The following PBLD variants were observed in gnomAD, a reference collection of about 807,000 sequenced individuals.
The protein encoded by PBLD is phenazine biosynthesis like protein domain containing.
A neutral mutation model predicts 31.3 loss-of-function variants in PBLD; 26 were observed. That is an observed-to-expected ratio of 0.83 (90% CI 0.61 to 1.15). The LOEUF (loss-of-function observed/expected upper bound fraction) is 1.15. Ranked by LOEUF, PBLD falls within the 50% of genes most tolerant of loss-of-function variation. PBLD has a pLI of 0.00. For missense variants in PBLD, 307 were observed against 351.7 expected (o/e 0.87, Z 1.02); for synonymous variants, 114 against 129.0 (o/e 0.88, Z 0.79).
intron 6 of PBLD, among the ~76,000 whole-genome samples, chr10:68,291,066 CA>C (rs2134432712): frequency 6.6e-6 from 1 of 152,264 alleles, no homozygotes; most frequent in South Asian, 2.1e-4. Flanking sequence ...GTTAAAAATT[CA>C]CTGAGAAATA....
At chr10:68,308,995 G>A (rs568921127) in intron 1 of PBLD, among the ~76,000 whole-genome samples, 1 of 150,264 alleles carries the variant, frequency 6.7e-6, no homozygotes, top group East Asian at 2.1e-4. Flanking sequence ...CATTAAACCT[G>A]CCCATGGATG....
At chr10:68,310,955 T>C (rs1045441145) in intron 1 of PBLD, among the ~76,000 whole-genome samples, 1 of 152,186 alleles carries the variant, frequency 6.6e-6, no homozygotes, top group African/African-American at 2.4e-5. Context: ...ACCTTACACA[T>C]GCTCAGAACA....
At chr10:68,310,805 A>G (rs2044656553) in intron 1 of PBLD, among the ~76,000 whole-genome samples, 1 of 151,240 alleles carries the variant, frequency 6.6e-6, no homozygotes, top group Non-Finnish European at 1.5e-5. Context: ...GCTGAATAAT[A>G]TTCTATTGCA....
chr10:68,285,223 C>T (rs776536642), intron 9 of PBLD, 125 bp downstream of exon 9: 1 of 1,555,188 alleles, frequency 6.4e-7, no homozygotes, highest in Non-Finnish European at 8.7e-7. Flanking sequence ...AATTTTAAAA[C>T]CTTTCATTTT....
intron 1 of PBLD, among the ~76,000 whole-genome samples, chr10:68,314,010 C>T (rs2044703349): frequency 1.3e-5 from 2 of 151,484 alleles, no homozygotes; most frequent in African/African-American, 4.9e-5. Context: ...AAAGTCTCAC[C>T]CTCTCACCCA....
intron 6 of PBLD, among the ~76,000 whole-genome samples, chr10:68,289,666 C>CACACACACACAT (rs1330508712): frequency 0.021 from 3,099 of 150,250 alleles, 102 homozygotes; most frequent in African/African-American, 0.072. Context: ...CCAAAGATCA[C>CACACACACACAT]ACACACACAC....
chr10:68,314,516 T>G (rs1452022417), intron 1 of PBLD, among the ~76,000 whole-genome samples: 1 of 152,140 alleles, frequency 6.6e-6, no homozygotes, highest in African/African-American at 2.4e-5. Context: ...GTGGTTGAAG[T>G]CTCTTCAAAG....
intron 1 of PBLD, among the ~76,000 whole-genome samples, chr10:68,328,448 G>A (rs528433965): frequency 6.6e-6 from 1 of 152,214 alleles, no homozygotes; most frequent in South Asian, 2.1e-4. Flanking sequence ...TCCTGATGGT[G>A]TAATACATGA....
intron 1 of PBLD, chr10:68,331,555 T>C (rs553533015): frequency 4.6e-5 from 7 of 152,376 alleles, no homozygotes; most frequent in Admixed American, 4.6e-4. Context: ...GACGCTTTCA[T>C]CTTCGCGGCC....
At chr10:68,297,959 T>TAAA (rs59652364) in intron 2 of PBLD, among the ~76,000 whole-genome samples, 61,979 of 148,044 alleles carry the variant, frequency 0.42, 13,162 homozygotes, top group East Asian at 0.56. Context: ...AAGATTTAAA[T>TAAA]AAAAAAAAAA....
intron 1 of PBLD, chr10:68,332,149 A>G (rs1057366053): frequency 2.6e-5 from 4 of 152,268 alleles, no homozygotes; most frequent in Non-Finnish European, 5.9e-5. Flanking sequence ...ACACGAGGCA[A>G]ACGACTTCTC....
chr10:68,297,604 G>C (rs78267180), intron 2 of PBLD, among the ~76,000 whole-genome samples: 1 of 152,082 alleles, frequency 6.6e-6, no homozygotes, highest in Non-Finnish European at 1.5e-5. Context: ...TTGCTTTGCC[G>C]GGACCTGGAA....
intron 2 of PBLD, among the ~76,000 whole-genome samples, chr10:68,304,517 C>G (rs1183519898): frequency 6.6e-6 from 1 of 151,610 alleles, no homozygotes; most frequent in Non-Finnish European, 1.5e-5. Flanking sequence ...CCTAGTTTTT[C>G]CAAATATATA....
At chr10:68,299,106 CAAA>C (rs35915509) in intron 2 of PBLD, among the ~76,000 whole-genome samples, 2 of 78,984 alleles carry the variant, frequency 2.5e-5, no homozygotes, top group Non-Finnish European at 4.5e-5. Context: ...GAGTCCGTCT[CAAA>C]AAAAAAAAAA....
At chr10:68,288,425 T>C in intron 8 of PBLD, 58 bp downstream of exon 8, 3 of 1,563,762 alleles carry the variant, frequency 1.9e-6, no homozygotes, top group African/African-American at 2.7e-5. Flanking sequence ...CTTAAATAAC[T>C]ATTTGTGATC....
chr10:68,286,543 T>C (rs2044290920), intron 8 of PBLD, among the ~76,000 whole-genome samples: 1 of 152,116 alleles, frequency 6.6e-6, no homozygotes, highest in African/African-American at 2.4e-5. Flanking sequence ...CTCCCTATGT[T>C]GCTTAGGCTG....
intron 2 of PBLD, among the ~76,000 whole-genome samples, chr10:68,302,574 G>A (rs1437618971): frequency 6.6e-6 from 1 of 152,140 alleles, no homozygotes; most frequent in East Asian, 1.9e-4. Flanking sequence ...ATTAGGCTGG[G>A]TGCAGTGGCT....
At chr10:68,285,252 C>A in intron 9 of PBLD, 96 bp downstream of exon 9, 1 of 1,600,396 alleles carries the variant, frequency 6.2e-7, no homozygotes, top group Non-Finnish European at 8.5e-7. Flanking sequence ...TGATACATGA[C>A]ATTGTATTAC....
intron 8 of PBLD, chr10:68,287,925 C>G (rs1380538877): frequency 6.6e-6 from 1 of 152,398 alleles, no homozygotes; most frequent in African/African-American, 2.4e-5. Flanking sequence ...GGTGTAGTGG[C>G]AGACGCCTGT....
Sources: gnomAD v4.1 joint callset for allele counts (sites outside exome capture counted in the v4.1 genomes callset) on GRCh38, gnomAD v4.1.1 for gene constraint, MANE v1.5 for transcripts, NCBI Gene and HGNC (gene_info 2026-07-23, HGNC 2026-07-21) for gene names.